PTPRM: variants seen among roughly 807,000 people sequenced by gnomAD.
PTPRM encodes receptor-type tyrosine-protein phosphatase mu.
A neutral mutation model predicts 186.7 loss-of-function variants in PTPRM; 47 were observed. The observed-to-expected ratio is 0.25, with a 90% CI of 0.20 to 0.32. The LOEUF (loss-of-function observed/expected upper bound fraction) is 0.32. PTPRM is among the 10% of genes least tolerant of loss of function. The probability of loss-of-function intolerance (pLI) is 1.00; values close to 1 mark genes in which losing one functional copy is unlikely to be tolerated. For missense variants in PTPRM, 1,494 were observed against 1,865.0 expected, an observed-to-expected ratio of 0.80 and a Z score of 3.66; for synonymous variants, 668 against 674.9, an observed-to-expected ratio of 0.99 and a Z score of 0.16.
chr18:8,054,992 C>T (rs1434357361), intron 7 of PTPRM, among the ~76,000 whole-genome samples: 2 of 152,038 alleles, frequency 1.3e-5, no homozygotes, highest in East Asian at 3.9e-4. Flanking sequence ...GTCTAGAACT[C>T]TTTGTTCAAT....
intron 1 of PTPRM, among the ~76,000 whole-genome samples, chr18:7,611,085 A>G (rs567898112): frequency 4.6e-5 from 7 of 152,340 alleles, no homozygotes; most frequent in Non-Finnish European, 1.0e-4. Flanking sequence ...AGAAAAACAT[A>G]TATAAAAGAG....
intron 1 of PTPRM, among the ~76,000 whole-genome samples, chr18:7,658,346 A>ATT (rs1291540923): frequency 1.0e-4 from 11 of 110,180 alleles, no homozygotes; most frequent in Admixed American, 8.1e-5. Flanking sequence ...ATATATATAT[A>ATT]TATATATATA....
At chr18:7,881,410 G>A (rs1256464193) in intron 2 of PTPRM, among the ~76,000 whole-genome samples, 1 of 152,204 alleles carries the variant, frequency 6.6e-6, no homozygotes, top group Non-Finnish European at 1.5e-5. Flanking sequence ...ATTCCCACCT[G>A]GGCAACAAGA....
chr18:8,324,995 A>T (rs1259562875), intron 22 of PTPRM, among the ~76,000 whole-genome samples: 1 of 152,218 alleles, frequency 6.6e-6, no homozygotes, highest in African/African-American at 2.4e-5. Context: ...AACAGCACAG[A>T]ATCGCTTAAT....
chr18:7,665,042 T>C (rs2039065560), intron 1 of PTPRM, among the ~76,000 whole-genome samples: 1 of 152,042 alleles, frequency 6.6e-6, no homozygotes, highest in South Asian at 2.1e-4. Flanking sequence ...GGAAGAGAAG[T>C]CTGGGTTGGA....
At chr18:7,993,071 A>G (rs1382859000) in intron 7 of PTPRM, among the ~76,000 whole-genome samples, 4 of 151,984 alleles carry the variant, frequency 2.6e-5, no homozygotes, top group African/African-American at 9.7e-5. Flanking sequence ...TGAAAAATTT[A>G]ATGAATGAAA....
intron 1 of PTPRM, among the ~76,000 whole-genome samples, chr18:7,581,656 C>CTT (rs59375148): frequency 1.2e-4 from 16 of 137,278 alleles, no homozygotes; most frequent in African/African-American, 1.6e-4. Flanking sequence ...GTTTCATTTA[C>CTT]TTTTTTTTTT....
intron 1 of PTPRM, among the ~76,000 whole-genome samples, chr18:7,596,086 TAC>T (rs1205650380): frequency 6.6e-6 from 1 of 152,190 alleles, no homozygotes; most frequent in African/African-American, 2.4e-5. Context: ...AGGTTTCAGT[TAC>T]CCACAATCAA....
At chr18:7,592,860 A>G (rs956680568) in intron 1 of PTPRM, among the ~76,000 whole-genome samples, 1 of 152,112 alleles carries the variant, frequency 6.6e-6, no homozygotes, top group Non-Finnish European at 1.5e-5. Flanking sequence ...GAGACAGAAC[A>G]TAGCCCTTTG....
chr18:8,235,125 G>A (rs1001243466), intron 14 of PTPRM, among the ~76,000 whole-genome samples: 1 of 152,078 alleles, frequency 6.6e-6, no homozygotes, highest in South Asian at 2.1e-4. Flanking sequence ...CTCTATTTAT[G>A]TTCTGGGAGA....
At chr18:8,350,158 T>C (rs2095526971) in intron 23 of PTPRM, among the ~76,000 whole-genome samples, 1 of 152,194 alleles carries the variant, frequency 6.6e-6, no homozygotes, top group Admixed American at 6.5e-5. Flanking sequence ...GAAAACACTC[T>C]TTCCTGATAA....
At chr18:8,120,018 C>G (rs2092111579) in intron 13 of PTPRM, among the ~76,000 whole-genome samples, 1 of 152,020 alleles carries the variant, frequency 6.6e-6, no homozygotes, top group Non-Finnish European at 1.5e-5. Context: ...TAGAGGTCAG[C>G]AAACTTTTTA....
intron 19 of PTPRM, among the ~76,000 whole-genome samples, chr18:8,289,551 C>CATATATATACACATATATATATACACAT (rs2095010731): frequency 1.3e-5 from 1 of 77,718 alleles, no homozygotes; most frequent in Non-Finnish European, 2.3e-5. Flanking sequence ...TATATATATA[C>CATATATATACACATATATATATACACAT]ATATATATAC....
At chr18:8,244,917 G>A (rs2094463758) in intron 15 of PTPRM, among the ~76,000 whole-genome samples, 1 of 152,136 alleles carries the variant, frequency 6.6e-6, no homozygotes, top group Non-Finnish European at 1.5e-5. Flanking sequence ...TTCAAGGTCG[G>A]GGGTTTCTTT....
intron 11 of PTPRM, among the ~76,000 whole-genome samples, chr18:8,101,093 G>A (rs2091271823): frequency 6.6e-6 from 1 of 152,188 alleles, no homozygotes; most frequent in South Asian, 2.1e-4. Flanking sequence ...AGAAGGCATT[G>A]TTGGTAGGAC....
At chr18:7,913,815 A>G (rs1000075150) in intron 4 of PTPRM, among the ~76,000 whole-genome samples, 38 of 152,292 alleles carry the variant, frequency 2.5e-4, no homozygotes, top group African/African-American at 8.2e-4. Context: ...TTTAAAAACA[A>G]AATAATACAG....
intron 31 of PTPRM, among the ~76,000 whole-genome samples, chr18:8,393,090 A>G (rs1247816830): frequency 6.6e-6 from 1 of 152,248 alleles, no homozygotes; most frequent in Non-Finnish European, 1.5e-5. Context: ...GTCCCAAAAT[A>G]TCTTCCTCCC....
rs571066067 is a variant in PTPRM, at chr18:8,395,329, C to T, written c.4344+718C>T. On this transcript the variant is annotated intron_variant, in intron 32 of 32. Coordinates refer to ENST00000580170, the MANE Select transcript of PTPRM (RefSeq NM_001105244.2). ...AGGAAGAGATGGCCGATGGGACAAG[C>T]GCCAAAGCCAATGTTCCCAGGTCCA... Among the ~76,000 whole-genome samples, 8 of 152,020 alleles carry T rather than the reference C, an allele frequency of 5.3e-5. No homozygotes were observed. The South Asian group carries it at 6.2e-4, about 12-fold the overall frequency.
intron 1 of PTPRM, among the ~76,000 whole-genome samples, chr18:7,682,920 T>C (rs1017598686): frequency 1.3e-5 from 2 of 152,142 alleles, no homozygotes. Context: ...TGTGGTTTAG[T>C]ATCCTGCAGT....
Sources: gnomAD v4.1 joint callset for allele counts (sites outside exome capture counted in the v4.1 genomes callset) on GRCh38, gnomAD v4.1.1 for gene constraint, MANE v1.5 for transcripts, NCBI Gene and HGNC (gene_info 2026-07-23, HGNC 2026-07-21) for gene names.